GRM3: variants seen among roughly 807,000 people sequenced by gnomAD.
GRM3 encodes the protein glutamate metabotropic receptor 3.
A neutral mutation model predicts 70.5 loss-of-function variants in GRM3; 26 were observed. The ratio of observed to expected loss-of-function variants is 0.37; its 90% CI spans 0.27 to 0.51. The LOEUF (loss-of-function observed/expected upper bound fraction) is 0.51, where lower values mean the gene tolerates loss of function less well. GRM3 is among the 20% of genes least tolerant of loss of function. The probability of loss-of-function intolerance (pLI) is 0.93; values close to 1 mark genes in which losing one functional copy is unlikely to be tolerated. For synonymous variants in GRM3, 443 were observed against 434.9 expected, an observed-to-expected ratio of 1.02 and a Z score of -0.23; for missense variants, 859 against 1,123.8, an observed-to-expected ratio of 0.76 and a Z score of 3.37.
chr7:86,742,831 A>G lies in GRM3; in HGVS notation c.-140-22175A>G, dbSNP rs919724913. 7.9e-5 allele frequency among the ~76,000 whole-genome samples: 12 copies of G among 152,280 alleles called. No individual in the cohort carries two copies. In the South Asian group the frequency reaches 2.5e-3, roughly 32 times the overall value. On this transcript the variant is annotated intron_variant, in intron 1 of 5. Coordinates refer to ENST00000361669, the MANE Select transcript of GRM3 (RefSeq NM_000840.3). ...CTGAGCTCTAATTCTCCTCTGTGACATTTTCACATTTTCTATAGTTATAAA... is the reference window on the plus strand; with the variant it reads ...CTGAGCTCTAATTCTCCTCTGTGACGTTTTCACATTTTCTATAGTTATAAA...
chr7:86,699,688 T>C (rs1437369564), intron 1 of GRM3, among the ~76,000 whole-genome samples: 1 of 151,964 alleles, frequency 6.6e-6, no homozygotes, highest in East Asian at 1.9e-4. Context: ...CATACTGAAA[T>C]AGAAAGCCAA....
chr7:86,763,924 G>A (rs942836048), intron 1 of GRM3, among the ~76,000 whole-genome samples: 10 of 152,140 alleles, frequency 6.6e-5, no homozygotes, highest in African/African-American at 1.2e-4. Flanking sequence ...AATTACAAGA[G>A]CTCAGCATAG....
At chr7:86,753,322 C>A (rs1796273163) in intron 1 of GRM3, among the ~76,000 whole-genome samples, 1 of 152,106 alleles carries the variant, frequency 6.6e-6, no homozygotes, top group Non-Finnish European at 1.5e-5. Context: ...TTCTTGTCTT[C>A]ATTTTACACA....
intron 2 of GRM3, among the ~76,000 whole-genome samples, chr7:86,785,684 G>GTTTTTTTTTTTTTTT (rs1797213181): frequency 1.4e-5 from 1 of 72,138 alleles, no homozygotes; most frequent in Non-Finnish European, 2.6e-5. Flanking sequence ...AAATAGAATT[G>GTTTTTTTTTTTTTTT]ATTTTTTTTT....
At chr7:86,703,069 A>T (rs1794979991) in intron 1 of GRM3, among the ~76,000 whole-genome samples, 1 of 151,972 alleles carries the variant, frequency 6.6e-6, no homozygotes, top group Non-Finnish European at 1.5e-5. Context: ...GGTTTTTCTC[A>T]CTGGAAACCC....
rs1182273394 is a variant in GRM3, at chr7:86,832,148, C to G, written c.1325-6691C>G. ...AGTCTTTCCAGGGAGATGACACTGT[C>G]TTTCACCTATATCTTAATTCTGATT... On this transcript the variant is annotated intron_variant, in intron 3 of 5. Transcript: ENST00000361669. Among the ~76,000 whole-genome samples the G allele has an allele frequency of 2.0e-5, 3 of 151,534 alleles. 1 individual carries two copies. Among genetic ancestry groups the G allele is most frequent in the African/African-American group, 7.3e-5 (3 of 41,294 alleles).
chr7:86,713,560 C>A (rs1303678864), intron 1 of GRM3, among the ~76,000 whole-genome samples: 1 of 151,910 alleles, frequency 6.6e-6, no homozygotes, highest in African/African-American at 2.4e-5. Flanking sequence ...CCTCCAGGCC[C>A]CTCCCTACCC....
chr7:86,830,904 G>A (rs1798338359), intron 3 of GRM3, among the ~76,000 whole-genome samples: 1 of 152,146 alleles, frequency 6.6e-6, no homozygotes, highest in Non-Finnish European at 1.5e-5. Context: ...TAAACACAGA[G>A]ACACAAGGAG....
intron 1 of GRM3, among the ~76,000 whole-genome samples, chr7:86,669,808 T>G (rs939625827): frequency 2.0e-5 from 3 of 152,196 alleles, no homozygotes; most frequent in East Asian, 3.8e-4. Context: ...TGATTAAGCT[T>G]AAGAACAGAA....
intron 1 of GRM3, among the ~76,000 whole-genome samples, chr7:86,754,476 G>C (rs1796299453): frequency 1.3e-5 from 2 of 152,094 alleles, no homozygotes; most frequent in Admixed American, 1.3e-4. Flanking sequence ...TGATTCTGGA[G>C]TCACTGAATT....
chr7:86,689,278 C>T (rs1376564252), intron 1 of GRM3, among the ~76,000 whole-genome samples: 3 of 151,638 alleles, frequency 2.0e-5, no homozygotes, highest in Non-Finnish European at 4.4e-5. Context: ...TAGAAAGTTG[C>T]CACAAACTAC....
intron 3 of GRM3, among the ~76,000 whole-genome samples, chr7:86,817,845 C>T (rs1315818452): frequency 6.6e-6 from 1 of 151,948 alleles, no homozygotes; most frequent in Non-Finnish European, 1.5e-5. Context: ...CAATACAACA[C>T]CACTAAATCT....
intron 2 of GRM3, among the ~76,000 whole-genome samples, chr7:86,768,058 T>C (rs1283757405): frequency 2.6e-5 from 4 of 152,106 alleles, no homozygotes; most frequent in Non-Finnish European, 5.9e-5. Flanking sequence ...AAAACTATCA[T>C]GCTATAATGG....
chr7:86,772,051 C>T (rs1796757063), intron 2 of GRM3, among the ~76,000 whole-genome samples: 1 of 152,068 alleles, frequency 6.6e-6, no homozygotes, highest in Non-Finnish European at 1.5e-5. Context: ...CCCTCCATTA[C>T]TAAGTAAATA....
intron 3 of GRM3, among the ~76,000 whole-genome samples, chr7:86,831,093 TTC>T (rs1331444529): frequency 1.3e-5 from 2 of 152,150 alleles, no homozygotes; most frequent in Non-Finnish European, 2.9e-5. Context: ...GACAATAAAC[TTC>T]TGTCATCTCA....
At chr7:86,753,870 G>A (rs906015984) in intron 1 of GRM3, among the ~76,000 whole-genome samples, 4 of 152,116 alleles carry the variant, frequency 2.6e-5, no homozygotes, top group Non-Finnish European at 5.9e-5. Context: ...TGATTTCTGT[G>A]ATGTAAGCGC....
intron 1 of GRM3, among the ~76,000 whole-genome samples, chr7:86,752,300 T>C (rs1215087414): frequency 1.3e-5 from 2 of 152,158 alleles, no homozygotes; most frequent in Admixed American, 6.6e-5. Flanking sequence ...TCTGCCTTTA[T>C]TACTTGGAGA....
At chr7:86,704,407 A>G (rs1003149448) in intron 1 of GRM3, among the ~76,000 whole-genome samples, 17 of 151,920 alleles carry the variant, frequency 1.1e-4, no homozygotes, top group Non-Finnish European at 2.2e-4. Flanking sequence ...TTCAGAACCT[A>G]ACACTGGACC....
chr7:86,796,239 A>G (rs1012431052), intron 3 of GRM3, among the ~76,000 whole-genome samples: 9 of 152,180 alleles, frequency 5.9e-5, no homozygotes, highest in African/African-American at 2.2e-4. Context: ...TAATTTTTGT[A>G]TAAGGTACAA....
Sources: allele counts gnomAD v4.1 joint callset (sites outside exome capture counted in the v4.1 genomes callset), GRCh38; gene constraint gnomAD v4.1.1; transcripts MANE v1.5; gene names NCBI Gene and HGNC (gene_info 2026-07-23, HGNC 2026-07-21).